Variants in PTPRN2 observed in about 807,000 individuals in gnomAD.
The protein encoded by PTPRN2 is protein tyrosine phosphatase receptor type N2, also known as receptor-type tyrosine-protein phosphatase N2.
A neutral mutation model predicts 118.8 loss-of-function variants in PTPRN2; 74 were observed. The observed-to-expected ratio is 0.62, with a 90% CI of 0.52 to 0.76. The LOEUF (loss-of-function observed/expected upper bound fraction) is 0.76. PTPRN2 is among the 30% of genes least tolerant of loss of function. The probability of loss-of-function intolerance (pLI) is 0.00; values close to 1 mark genes in which losing one functional copy is unlikely to be tolerated. For missense variants in PTPRN2, 1,481 were observed against 1,394.4 expected (o/e 1.06, Z -0.99); for synonymous variants, 641 against 608.0 (o/e 1.05, Z -0.80).
intron 2 of PTPRN2, among the ~76,000 whole-genome samples, chr7:158,432,917 A>G (rs933140513): frequency 6.6e-6 from 1 of 152,218 alleles, no homozygotes; most frequent in Non-Finnish European, 1.5e-5. Context: ...TTTACAGAAC[A>G]AACACTCCCA....
intron 11 of PTPRN2, among the ~76,000 whole-genome samples, chr7:158,017,331 T>G (rs1806529644): frequency 6.6e-6 from 1 of 151,922 alleles, no homozygotes; most frequent in African/African-American, 2.4e-5. Context: ...GGGAGTCCAG[T>G]GCTCCTGAGG....
intron 1 of PTPRN2, among the ~76,000 whole-genome samples, chr7:158,518,802 T>C (rs1418788469): frequency 6.6e-6 from 1 of 152,096 alleles, no homozygotes; most frequent in East Asian, 1.9e-4. Flanking sequence ...CTGGGCAACA[T>C]GGCGAAACCC....
intron 9 of PTPRN2, among the ~76,000 whole-genome samples, chr7:158,128,867 AC>A (rs1157169986): frequency 2.6e-5 from 4 of 152,104 alleles, no homozygotes; most frequent in African/African-American, 7.2e-5. Context: ...AGGGAAACAC[AC>A]AGTGTCCACG....
At chr7:158,324,283 A>T (rs561958718) in intron 2 of PTPRN2, among the ~76,000 whole-genome samples, 2 of 152,174 alleles carry the variant, frequency 1.3e-5, no homozygotes, top group South Asian at 4.2e-4. Flanking sequence ...CCCCCACAGC[A>T]TCTGGTACAG....
chr7:157,816,243 GC>G (rs1275113232), intron 12 of PTPRN2, among the ~76,000 whole-genome samples: 3 of 152,164 alleles, frequency 2.0e-5, no homozygotes, highest in Non-Finnish European at 4.4e-5. Flanking sequence ...GCTGCCCCGT[GC>G]CTGCCCCGCC....
chr7:158,353,735 A>G (rs765870539), intron 2 of PTPRN2, among the ~76,000 whole-genome samples: 1 of 152,192 alleles, frequency 6.6e-6, no homozygotes, highest in Non-Finnish European at 1.5e-5. Context: ...GCCCCTCCCC[A>G]TAACCTGCCT....
chr7:158,130,922 T>TACACACTCAC (rs1463458515), intron 9 of PTPRN2, among the ~76,000 whole-genome samples: 1 of 143,066 alleles, frequency 7.0e-6, no homozygotes, highest in Non-Finnish European at 1.5e-5. Flanking sequence ...CACACACTCA[T>TACACACTCAC]ACACACACAT....
In PTPRN2 at chr7:158,108,889, C is replaced by T. The variant is rs1815927810; in HGVS notation, c.1643+1940G>A. Reference sequence around the variant, plus strand: ...CCAGTGAGCATCTGCTGTGAGGAGCCACTGAGTGAACGAGGTCAACCTGTG... The same window carrying T: ...CCAGTGAGCATCTGCTGTGAGGAGCTACTGAGTGAACGAGGTCAACCTGTG... On this transcript the variant is annotated intron_variant, in intron 10 of 22. Coordinates refer to ENST00000389418, the MANE Select transcript of PTPRN2 (RefSeq NM_002847.5). Among the ~76,000 whole-genome samples, 4 of 152,258 alleles carry T rather than the reference C, an allele frequency of 2.6e-5. No homozygotes were observed. In the South Asian group the frequency reaches 8.3e-4, roughly 31 times the overall value.
intron 3 of PTPRN2, among the ~76,000 whole-genome samples, chr7:158,284,369 C>T (rs1178597171): frequency 1.3e-5 from 2 of 152,196 alleles, no homozygotes; most frequent in Non-Finnish European, 2.9e-5. Flanking sequence ...GTGCCAGGCA[C>T]TCTCCGAGTC....
intron 3 of PTPRN2, among the ~76,000 whole-genome samples, chr7:158,216,650 TAAG>T (rs977186520): frequency 5.9e-5 from 9 of 152,200 alleles, no homozygotes; most frequent in African/African-American, 1.9e-4. Context: ...GTCAACCCAC[TAAG>T]AAGATACAGC....
At chr7:158,423,099 C>CA (rs1353239504) in intron 2 of PTPRN2, among the ~76,000 whole-genome samples, 17 of 152,240 alleles carry the variant, frequency 1.1e-4, no homozygotes, top group African/African-American at 4.1e-4. Context: ...GGTGACACCA[C>CA]AAAATGCAAA....
chr7:158,455,159 T>C (rs544331302), intron 2 of PTPRN2, among the ~76,000 whole-genome samples: 1 of 152,270 alleles, frequency 6.6e-6, no homozygotes, highest in Non-Finnish European at 1.5e-5. Flanking sequence ...GTTTTTATTA[T>C]AGAAATGTTC....
rs17847435 is a variant in PTPRN2 at position 158,192,322 on chromosome 7, G to A, written c.549+5C>T. On this transcript the variant is annotated splice_donor_5th_base_variant and intron_variant, in intron 5 of 22. Transcript: ENST00000389418. ...CCCGGCCCGGGGAGGAAGTGGAAGG[G>A]TCACCTCAGCGGGGGGTCTGTCCTG... The A allele has an allele frequency of 3.6e-5, 52 of 1,463,484 alleles. No homozygotes were observed. The East Asian group carries it at 1.3e-3, about 36-fold the overall frequency. The allele number at this position is 1,463,484 out of a possible 1,614,324, so 90.7% of individuals were successfully genotyped here. A position where few individuals can be genotyped will look rare whatever the true frequency, so the allele number is the denominator to read the frequency against.
intron 10 of PTPRN2, among the ~76,000 whole-genome samples, chr7:158,094,259 G>A (rs750113987): frequency 4.6e-5 from 7 of 152,272 alleles, no homozygotes; most frequent in South Asian, 2.1e-4. Context: ...GCAGCAGAAC[G>A]CTCGCCATTC....
At chr7:157,778,195 C>T (rs191259487) in intron 12 of PTPRN2, among the ~76,000 whole-genome samples, 12 of 152,358 alleles carry the variant, frequency 7.9e-5, no homozygotes, top group Admixed American at 7.2e-4. Flanking sequence ...TCTCAAAAGC[C>T]AACGCTCCGC....
chr7:158,289,227 A>C (rs1279464527), intron 3 of PTPRN2, among the ~76,000 whole-genome samples: 9 of 152,126 alleles, frequency 5.9e-5, no homozygotes, highest in African/African-American at 2.2e-4. Context: ...CCAGAATTGG[A>C]ATGTTTTCTC....
chr7:157,788,888 A>G (rs34001636), intron 12 of PTPRN2, among the ~76,000 whole-genome samples: 24,492 of 152,184 alleles, frequency 0.16, 2,715 homozygotes, highest in African/African-American at 0.31. Flanking sequence ...GGCCGCTGGA[A>G]CCACCTCTCC....
intron 12 of PTPRN2, among the ~76,000 whole-genome samples, chr7:157,879,395 TCGTGCACGCACA>T (rs60349055): frequency 0.012 from 1,777 of 152,022 alleles, 28 homozygotes; most frequent in African/African-American, 0.038. Context: ...ACACACACAC[TCGTGCACGCACA>T]CGTGCACGCA....
chr7:158,057,583 G>C (rs1296190858), intron 11 of PTPRN2, among the ~76,000 whole-genome samples: 1 of 152,240 alleles, frequency 6.6e-6, no homozygotes, highest in East Asian at 1.9e-4. Context: ...CTGTGGCCTG[G>C]AGTGGGTGAG....
Sources: allele counts gnomAD v4.1 joint callset (sites outside exome capture counted in the v4.1 genomes callset), GRCh38; gene constraint gnomAD v4.1.1; transcripts MANE v1.5; gene names NCBI Gene and HGNC (gene_info 2026-07-23, HGNC 2026-07-21).